Variants in UMODL1 observed in about 807,000 individuals in gnomAD.
UMODL1 encodes uromodulin-like 1.
UMODL1 carries 128 observed loss-of-function variants against 136.3 expected under a neutral mutation model. The ratio of observed to expected loss-of-function variants is 0.94; its 90% CI spans 0.81 to 1.09. The LOEUF (loss-of-function observed/expected upper bound fraction) is 1.09. Ranked by LOEUF, UMODL1 falls within the 50% of genes least tolerant of loss-of-function variation. UMODL1 has a pLI of 0.00. For missense variants in UMODL1, 1,766 were observed against 1,725.6 expected, an observed-to-expected ratio of 1.02 and a Z score of -0.41; for synonymous variants, 721 against 720.0, an observed-to-expected ratio of 1.00 and a Z score of -0.02.
intron 22 of UMODL1, among the ~76,000 whole-genome samples, chr21:42,138,566 A>G (rs530993036): frequency 4.7e-4 from 71 of 150,338 alleles, no homozygotes; most frequent in African/African-American, 1.7e-3. Flanking sequence ...GGACTTTTGT[A>G]AAGATTTTCA....
chr21:42,076,394 G>A (rs1240673869), intron 2 of UMODL1, 147 bp downstream of exon 2: 7 of 1,314,008 alleles, frequency 5.3e-6, no homozygotes, highest in Non-Finnish European at 5.2e-6. Flanking sequence ...GCAGGTCATC[G>A]GCAGGGCTTT....
At chr21:42,137,056 T>C (rs220176) in intron 21 of UMODL1, among the ~76,000 whole-genome samples, 53,984 of 152,070 alleles carry the variant, frequency 0.35, 10,042 homozygotes, top group East Asian at 0.52. Flanking sequence ...GCGCCCAGCC[T>C]GCACTCTCTA....
At chr21:42,088,559 A>G (rs1462480623) in intron 5 of UMODL1, 79 bp downstream of exon 5, 1 of 1,380,370 alleles carries the variant, frequency 7.2e-7, no homozygotes, top group African/African-American at 1.4e-5. Flanking sequence ...TGGACGCTAA[A>G]GCCAGACCAG....
chr21:42,132,378 A>G (rs891286666), intron 21 of UMODL1, among the ~76,000 whole-genome samples: 29 of 149,896 alleles, frequency 1.9e-4, no homozygotes, highest in African/African-American at 6.9e-4. Flanking sequence ...CCATCTATCA[A>G]CCATCCATCA....
chr21:42,089,489 A>G (rs908847642), intron 5 of UMODL1, among the ~76,000 whole-genome samples: 2 of 152,212 alleles, frequency 1.3e-5, no homozygotes, highest in African/African-American at 4.8e-5. Context: ...AGTTGAGTTT[A>G]TTATTCGAGG....
intron 2 of UMODL1, among the ~76,000 whole-genome samples, chr21:42,082,364 G>A (rs1392029611): frequency 3.3e-5 from 5 of 152,164 alleles, no homozygotes; most frequent in African/African-American, 9.7e-5. Context: ...CCCCACCCTC[G>A]CGGGGGTGAG....
rs145181901 is a variant in UMODL1, at chr21:42,093,724, G to A, written c.931+3286G>A. 1,399 of 355,038 alleles carry A rather than the reference G, an allele frequency of 3.9e-3. 8 individuals carry two copies. The highest frequency in any genetic ancestry group is 5.9e-3 in the Non-Finnish European group (1,024 of 174,730). 22.0% of individuals were successfully genotyped at this position (355,038 alleles called of 1,614,324 possible). ...CTGGCAGATGAATCCCTGGTGCCCC[G>A]CAAAGAGCAGGCACTCCACAAACGT... is the stretch of plus-strand genomic sequence containing the variant. On this transcript the variant is annotated intron_variant, in intron 6 of 22. Coordinates refer to ENST00000408910, the MANE Select transcript of UMODL1 (RefSeq NM_001004416.3).
At chr21:42,066,654 C>A (rs2066185401), upstream of UMODL1, among the ~76,000 whole-genome samples, 1 of 152,202 alleles carries the variant, frequency 6.6e-6, no homozygotes. Flanking sequence ...GGAGTTCATT[C>A]TTCTTCTAGA....
chr21:42,063,411 G>A (rs906515838), intron 1 of UMODL1, among the ~76,000 whole-genome samples: 12 of 152,170 alleles, frequency 7.9e-5, no homozygotes, highest in Non-Finnish European at 1.5e-4. Flanking sequence ...GTCCCCCCTG[G>A]TGTCCCCCAA....
At chr21:42,068,278 G>C (rs1388872632), upstream of UMODL1, among the ~76,000 whole-genome samples, 1 of 152,216 alleles carries the variant, frequency 6.6e-6, no homozygotes, top group East Asian at 1.9e-4. This position sits in a 1 kb window ranked among gnomAD's most constrained non-coding sequence, Gnocchi z 5.5. Flanking sequence ...GAGTCACCCG[G>C]ATGCCGGGGG....
chr21:42,074,153 G>A (rs990897571), intron 1 of UMODL1, among the ~76,000 whole-genome samples: 2 of 152,174 alleles, frequency 1.3e-5, no homozygotes, highest in Non-Finnish European at 2.9e-5. Context: ...GGGCAGGGCT[G>A]GCTCCTCCCG....
At chr21:42,087,577 A>G (rs952979182) in intron 4 of UMODL1, among the ~76,000 whole-genome samples, 53 of 152,374 alleles carry the variant, frequency 3.5e-4, no homozygotes, top group African/African-American at 1.2e-3. Flanking sequence ...TTGGATGTGT[A>G]CAACAGGAGA....
chr21:42,113,482 G>T, intron 12 of UMODL1, 91 bp from the exon 13 acceptor site: 1 of 1,491,280 alleles, frequency 6.7e-7, no homozygotes, highest in Non-Finnish European at 9.1e-7. Context: ...TGTCCCCATG[G>T]TGATGAATTT....
Position 42,125,322 on chromosome 21 carries a change from C to T in UMODL1, c.3148-1023C>T, listed in dbSNP as rs149583295. On this transcript the variant is annotated intron_variant, in intron 17 of 22. Coordinates refer to ENST00000408910, the MANE Select transcript of UMODL1 (RefSeq NM_001004416.3). Reference sequence around the variant, plus strand: ...AGGTGATTCCATGGTGTGGAGCCTGCTTGGAGCCTGGAGCTGGGACTGAGG... The same window carrying T: ...AGGTGATTCCATGGTGTGGAGCCTGTTTGGAGCCTGGAGCTGGGACTGAGG... 2.3e-3 allele frequency among the ~76,000 whole-genome samples: 347 copies of T among 152,154 alleles called. 3 individuals are homozygous for T. Among genetic ancestry groups the T allele is most frequent in the African/African-American group, 7.9e-3 (330 of 41,518 alleles).
intron 5 of UMODL1, among the ~76,000 whole-genome samples, chr21:42,089,496 G>C (rs1055773244): frequency 6.6e-6 from 1 of 152,344 alleles, no homozygotes; most frequent in African/African-American, 2.4e-5. Context: ...TTTATTATTC[G>C]AGGCAGCGAG....
intron 4 of UMODL1, among the ~76,000 whole-genome samples, chr21:42,086,307 T>G (rs1389795166): frequency 6.6e-6 from 1 of 152,258 alleles, no homozygotes; most frequent in Non-Finnish European, 1.5e-5. Flanking sequence ...GTAGCTGTTC[T>G]GTGCTTCAGA....
Position 42,122,925 on chromosome 21 carries a change from C to T in UMODL1, c.2922C>T (p.Pro974=). The part of the protein sequence containing the change: ...TKAAFVQGTS[P]TPQGLPQRLN... ...CTGCCTTTGTGCAAGGCACCAGCCC[C>T]ACCCCCCAAGGCCTGCCCCAGCGGC... The change falls in exon 17 of 23, where the codon CCC becomes CCT. Residue 974 remains proline (P), a synonymous_variant. Transcript: ENST00000408910. This position sits in a 1 kb window ranked among gnomAD's most constrained non-coding sequence, Gnocchi z 4.3. 6.2e-7 allele frequency: 1 copy of T among 1,613,914 alleles called. No individual in the cohort carries two copies. The highest frequency in any genetic ancestry group is 8.5e-7 in the Non-Finnish European group (1 of 1,180,016).
chr21:42,115,573 C>T (rs1199367029), intron 13 of UMODL1, among the ~76,000 whole-genome samples: 2 of 152,186 alleles, frequency 1.3e-5, no homozygotes, highest in African/African-American at 4.8e-5. Context: ...GTCTGAACCC[C>T]AGCATGGGGG....
At chr21:42,103,794 C>A (rs780454323) in intron 8 of UMODL1, 74 bp from the exon 9 acceptor site, 1 of 1,548,590 alleles carries the variant, frequency 6.5e-7, no homozygotes, top group East Asian at 2.2e-5. Flanking sequence ...CACCATCCAT[C>A]GGTCACACCT....
Sources: gnomAD v4.1 joint callset for allele counts (sites outside exome capture counted in the v4.1 genomes callset) on GRCh38, gnomAD v4.1.1 for gene constraint, Gnocchi (gnomAD v3.1) non-coding constraint, MANE v1.5 for transcripts, NCBI Gene and HGNC (gene_info 2026-07-23, HGNC 2026-07-21) for gene names.